Variants in RFX7 observed in about 807,000 individuals in gnomAD.
RFX7 encodes DNA-binding protein RFX7.
RFX7 carries 26 observed loss-of-function variants against 111.8 expected under a neutral mutation model. The observed-to-expected ratio is 0.23, with a 90% confidence interval of 0.17 to 0.32. The LOEUF is 0.32. RFX7 is among the 10% of genes least tolerant of loss of function. RFX7 has a pLI of 1.00. For synonymous variants in RFX7, 624 were observed against 624.4 expected (o/e 1.00, Z 0.01); for missense variants, 1,573 against 1,772.9 (o/e 0.89, Z 2.02).
At chr15:56,160,351 G>GTT (rs77452375) in intron 3 of RFX7, among the ~76,000 whole-genome samples, 10 of 136,018 alleles carry the variant, frequency 7.4e-5, no homozygotes, top group African/African-American at 1.3e-4. Context: ...TCAGTAAAAA[G>GTT]TTTTTTTTTT....
intron 5 of RFX7, among the ~76,000 whole-genome samples, chr15:56,126,960 T>C (rs2140982033): frequency 6.6e-6 from 1 of 152,196 alleles, no homozygotes; most frequent in Non-Finnish European, 1.5e-5. Flanking sequence ...AAGCAGATGA[T>C]CAATAAGGAC....
chr15:56,132,353 G>C (rs191620337), intron 5 of RFX7, among the ~76,000 whole-genome samples: 11 of 152,046 alleles, frequency 7.2e-5, no homozygotes, highest in Non-Finnish European at 1.3e-4. Context: ...TATCTAAGTA[G>C]TATAGTATTA....
chr15:56,214,512 G>T (rs1008571567), intron 2 of RFX7, among the ~76,000 whole-genome samples: 2 of 151,116 alleles, frequency 1.3e-5, no homozygotes, highest in African/African-American at 4.9e-5. Flanking sequence ...TCAGGAGATC[G>T]AGACCATCCT....
intron 2 of RFX7, among the ~76,000 whole-genome samples, chr15:56,226,363 T>C (rs1233979401): frequency 2.0e-5 from 3 of 152,048 alleles, no homozygotes; most frequent in Non-Finnish European, 4.4e-5. Context: ...TAAAAGGAAA[T>C]ACAAATGTAG....
intron 2 of RFX7, among the ~76,000 whole-genome samples, chr15:56,183,015 A>G (rs1383623998): frequency 9.2e-5 from 14 of 152,258 alleles, no homozygotes; most frequent in African/African-American, 3.4e-4. Context: ...TACATGATAT[A>G]GGTAATACAT....
At chr15:56,173,533 C>G (rs2042868468) in intron 3 of RFX7, among the ~76,000 whole-genome samples, 3 of 152,324 alleles carry the variant, frequency 2.0e-5, no homozygotes. Context: ...GTAATCCCAA[C>G]AGTTTGGGAA....
intron 2 of RFX7, among the ~76,000 whole-genome samples, chr15:56,208,253 C>T (rs2043275535): frequency 6.6e-6 from 1 of 152,146 alleles, no homozygotes; most frequent in Non-Finnish European, 1.5e-5. Context: ...CCTGCTGGAG[C>T]TTCATCAGAG....
chr15:56,238,609 T>C (rs2043650693), intron 2 of RFX7, among the ~76,000 whole-genome samples: 1 of 152,148 alleles, frequency 6.6e-6, no homozygotes, highest in Admixed American at 6.5e-5. Flanking sequence ...AGAAGAGGCT[T>C]ATGAGGTCTT....
intron 3 of RFX7, among the ~76,000 whole-genome samples, chr15:56,166,312 A>G (rs2042781528): frequency 6.6e-6 from 1 of 152,178 alleles, no homozygotes; most frequent in Non-Finnish European, 1.5e-5. Flanking sequence ...ATGTTATTTA[A>G]TTTTACATTA....
rs77557765 is a variant in RFX7, at chr15:56,186,481, C to T, written c.162-7178G>A. ...TTTCTTGATTTGAAGCTTTTATATA[C>T]GTATATAACCTTTCTGTATATATCT... On this transcript the variant is annotated intron_variant, in intron 2 of 9. Coordinates refer to ENST00000559447, the MANE Select transcript of RFX7 (RefSeq NM_022841.7). Among the ~76,000 whole-genome samples, 63 of 152,122 alleles carry T rather than the reference C, an allele frequency of 4.1e-4. 1 individual carries two copies. The East Asian group carries it at 0.011, about 27-fold the overall frequency.
intron 2 of RFX7, among the ~76,000 whole-genome samples, chr15:56,201,596 T>C (rs1381731189): frequency 2.0e-5 from 3 of 152,156 alleles, no homozygotes; most frequent in African/African-American, 4.8e-5. Flanking sequence ...ATTAAGGATA[T>C]AGTTAGATAC....
intron 5 of RFX7, among the ~76,000 whole-genome samples, chr15:56,133,847 C>T (rs1260186734): frequency 1.3e-5 from 2 of 152,106 alleles, no homozygotes; most frequent in Non-Finnish European, 2.9e-5. Flanking sequence ...AACAGAACAA[C>T]TTGAAGCTTC....
intron 2 of RFX7, among the ~76,000 whole-genome samples, chr15:56,225,880 A>C (rs1294991138): frequency 6.6e-6 from 1 of 152,200 alleles, no homozygotes; most frequent in Non-Finnish European, 1.5e-5. Context: ...ACAACCTAAT[A>C]AAAAGCTGTT....
intron 5 of RFX7, among the ~76,000 whole-genome samples, chr15:56,137,021 G>C (rs1420925881): frequency 5.3e-5 from 8 of 152,074 alleles, no homozygotes; most frequent in Middle Eastern, 6.8e-3. Flanking sequence ...CGTTTTGCCA[G>C]TATTTTATTG....
chr15:56,176,765 G>C (rs536551986), intron 3 of RFX7, among the ~76,000 whole-genome samples: 6 of 151,856 alleles, frequency 4.0e-5, no homozygotes, highest in Non-Finnish European at 7.4e-5. Context: ...AGGCCTACTA[G>C]TTTTATATCC....
intron 3 of RFX7, 85 bp downstream of exon 3, chr15:56,179,185 T>G: frequency 1.6e-6 from 1 of 616,012 alleles, no homozygotes; most frequent in Non-Finnish European, 2.5e-6. Context: ...ATATTTAAAA[T>G]CAATATTTAC....
At chr15:56,124,372 A>T (rs908882824) in intron 5 of RFX7, among the ~76,000 whole-genome samples, 3 of 151,652 alleles carry the variant, frequency 2.0e-5, no homozygotes, top group African/African-American at 4.8e-5. Flanking sequence ...CAGTGAGCCG[A>T]GATCGTGCCA....
intron 2 of RFX7, among the ~76,000 whole-genome samples, chr15:56,227,800 C>T (rs1276056050): frequency 6.6e-6 from 1 of 152,020 alleles, no homozygotes; most frequent in Non-Finnish European, 1.5e-5. Flanking sequence ...TCATTTATTT[C>T]TTCTCACTCT....
chr15:56,120,335 G>T (rs113468804), intron 5 of RFX7, among the ~76,000 whole-genome samples: 1 of 152,028 alleles, frequency 6.6e-6, no homozygotes, highest in Non-Finnish European at 1.5e-5. Context: ...ACTGATTTTT[G>T]TATGTTGATA....
Sources: gnomAD v4.1 joint callset for allele counts (sites outside exome capture counted in the v4.1 genomes callset) on GRCh38, gnomAD v4.1.1 for gene constraint, MANE v1.5 for transcripts, NCBI Gene and HGNC (gene_info 2026-07-23, HGNC 2026-07-21) for gene names.